PCDHGA3: variants seen among roughly 807,000 people sequenced by gnomAD.
PCDHGA3 encodes the protein protocadherin gamma-A3.
PCDHGA3 carries 40 observed loss-of-function variants against 58.5 expected under a neutral mutation model. The ratio of observed to expected loss-of-function variants is 0.68; its 90% CI spans 0.53 to 0.89. The LOEUF is 0.89. PCDHGA3 is among the 40% of genes least tolerant of loss of function. The pLI is 0.00. For synonymous variants in PCDHGA3, 530 were observed against 525.7 expected, an observed-to-expected ratio of 1.01 and a Z score of -0.11; for missense variants, 1,223 against 1,195.9, an observed-to-expected ratio of 1.02 and a Z score of -0.33.
intron 1 of PCDHGA3, chr5:141,441,971 G>T: frequency 3.3e-6 from 1 of 298,820 alleles, no homozygotes; most frequent in Non-Finnish European, 6.5e-6. Context: ...AGGCTCTTCA[G>T]CCTGGAATGC....
intron 1 of PCDHGA3, chr5:141,375,492 C>G (rs1479166064): frequency 9.9e-6 from 16 of 1,614,008 alleles, no homozygotes; most frequent in Non-Finnish European, 1.4e-5. Context: ...AGGGGTGCCT[C>G]CATCTTCTCT....
intron 1 of PCDHGA3, chr5:141,433,358 CCTATCTATCTAT>C (rs3074541): frequency 0.01 from 5,256 of 504,010 alleles, 38 homozygotes; most frequent in Non-Finnish European, 0.014. Flanking sequence ...CTACTGTCTG[CCTATCTATCTAT>C]CTATCTATCT....
intron 1 of PCDHGA3, chr5:141,371,080 G>A: frequency 1.2e-6 from 2 of 1,613,876 alleles, no homozygotes; most frequent in Non-Finnish European, 1.7e-6. Flanking sequence ...ACCCAGATCA[G>A]GGTAATTGTC....
chr5:141,390,537 A>G (rs565157857), intron 1 of PCDHGA3: 629 of 520,554 alleles, frequency 1.2e-3, no homozygotes, highest in Non-Finnish European at 1.9e-3. Context: ...GGTTTTAACC[A>G]CAAAGTGAAA....
intron 1 of PCDHGA3, chr5:141,404,338 G>A (rs752211796): frequency 1.9e-5 from 30 of 1,613,686 alleles, no homozygotes; most frequent in Non-Finnish European, 2.4e-5. Flanking sequence ...TCTACCTCCC[G>A]GAAAACAACG....
intron 1 of PCDHGA3, chr5:141,418,551 T>A (rs766987131): frequency 1.2e-6 from 2 of 1,614,026 alleles, no homozygotes; most frequent in South Asian, 2.2e-5. Context: ...ATAAGAATCC[T>A]GGTAATAGAT....
chr5:141,392,511 A>T (rs1368500575), intron 1 of PCDHGA3: 1 of 240,352 alleles, frequency 4.2e-6, no homozygotes, highest in Non-Finnish European at 7.9e-6. Flanking sequence ...TTTTTTTCTC[A>T]GTAATCTAGT....
chr5:141,439,150 G>A (rs971023726), intron 1 of PCDHGA3, among the ~76,000 whole-genome samples: 7 of 149,122 alleles, frequency 4.7e-5, no homozygotes, highest in South Asian at 2.1e-4. Flanking sequence ...CTGAGATCAC[G>A]CCACTGCACT....
At chr5:141,423,785 A>G (rs531378008) in intron 1 of PCDHGA3, 48 of 1,269,536 alleles carry the variant, frequency 3.8e-5, no homozygotes, top group Non-Finnish European at 4.4e-5. Context: ...TTTAGTTCAT[A>G]TATATTTAGA....
chr5:141,510,839 C>T (rs186647886), intron 3 of PCDHGA3, 108 bp from the exon 4 acceptor site: 36 of 1,586,990 alleles, frequency 2.3e-5, no homozygotes, highest in Non-Finnish European at 3.1e-5. Context: ...TCAGCGTGGT[C>T]AAGGCCCAGG....
intron 1 of PCDHGA3, chr5:141,400,128 G>A: frequency 6.2e-7 from 1 of 1,614,080 alleles, no homozygotes; most frequent in South Asian, 1.1e-5. Flanking sequence ...TGCAGGAGGT[G>A]CTGCCGGATA....
chr5:141,470,627 G>A (rs977900352), intron 1 of PCDHGA3, among the ~76,000 whole-genome samples: 3 of 152,154 alleles, frequency 2.0e-5, no homozygotes, highest in Non-Finnish European at 2.9e-5. Flanking sequence ...TGCTTAGATA[G>A]GCCCCCTTGC....
intron 1 of PCDHGA3, chr5:141,419,426 G>C: frequency 6.2e-7 from 1 of 1,613,312 alleles, no homozygotes; most frequent in Non-Finnish European, 8.5e-7. Flanking sequence ...CTTCGACCAC[G>C]AGCAGCTGCG....
In PCDHGA3 at chr5:141,344,062, G is replaced by A; in HGVS notation, c.29G>A (p.Gly10Asp). MTNCLSFRN[G>D]RGLALLCALL... The stretch of plus-strand genomic sequence containing the variant: ...ACCAATTGCCTGAGTTTCCGAAATG[G>A]CAGAGGACTGGCCCTGCTGTGCGCG... The change falls in exon 1 of 4, where the codon GGC (glycine) becomes GAC (aspartate). Residue 10 changes from glycine (G) to aspartate (D), a missense_variant. By Grantham distance (94) the Gly-to-Asp change is moderately conservative. Around this residue, in one of 3 missense-constraint regions of PCDHGA3, gnomAD observed 791 missense variants for 708.5 expected, o/e 1.12. Coordinates refer to ENST00000253812, the MANE Select transcript of PCDHGA3 (RefSeq NM_018916.4). The A allele has an allele frequency of 1.3e-6, 2 of 1,572,912 alleles. No individual in the cohort carries two copies. The highest frequency in any genetic ancestry group is 1.7e-6 in the Non-Finnish European group (2 of 1,159,836).
At position 141,489,088 on chromosome 5, in the gene PCDHGA3, GAC is replaced by G; in HGVS notation, c.2425-5718_2425-5717del. 5.8e-6 allele frequency: 2 copies of G among 347,236 alleles called. No homozygotes were observed. The highest frequency in any genetic ancestry group is 4.7e-5 in the East Asian group (1 of 21,502). The allele number at this position is 347,236 out of a possible 1,614,324, so 21.5% of individuals were successfully genotyped here. A position where few individuals can be genotyped will look rare whatever the true frequency, so the allele number is the denominator to read the frequency against. ...CCCCTGCCCACCCCCGCCACTCGGT[GAC>G]TAAGAACTGCTGCAAGCAGGCAAAC... On this transcript the variant is annotated intron_variant, in intron 1 of 3. Transcript: ENST00000253812. The surrounding 1 kb of genome is among the most constrained non-coding windows in gnomAD (Gnocchi z 4.5).
At chr5:141,389,463 GA>G in intron 1 of PCDHGA3, 1 of 1,613,310 alleles carries the variant, frequency 6.2e-7, no homozygotes, top group Non-Finnish European at 8.5e-7. Context: ...GCGCGCCTTC[GA>G]ACTCACACTG....
chr5:141,376,483 G>C (rs139873493), intron 1 of PCDHGA3: 3 of 1,614,058 alleles, frequency 1.9e-6, no homozygotes, highest in East Asian at 2.2e-5. Context: ...TACTTGAAAC[G>C]AAAGGAGAAC....
chr5:141,361,370 GGGA>G, intron 1 of PCDHGA3: 1 of 1,613,942 alleles, frequency 6.2e-7, no homozygotes. Context: ...GCTCTGGACC[GGGA>G]GGAGATCCCA....
At chr5:141,385,452 G>C in intron 1 of PCDHGA3, 2 of 1,446,532 alleles carry the variant, frequency 1.4e-6, no homozygotes, top group Non-Finnish European at 1.8e-6. Context: ...GAGTTTACCA[G>C]TTTCCTTCAG....
Sources: allele counts gnomAD v4.1 joint callset (sites outside exome capture counted in the v4.1 genomes callset), GRCh38; gene constraint gnomAD v4.1.1; regional missense constraint gnomAD v4.1.1; non-coding constraint Gnocchi (gnomAD v3.1); transcripts MANE v1.5; gene names NCBI Gene and HGNC (gene_info 2026-07-23, HGNC 2026-07-21).